BMP5: variants seen among roughly 807,000 people sequenced by gnomAD.
BMP5 encodes bone morphogenetic protein 5.
In BMP5, 23 loss-of-function variants were observed where a neutral mutation model predicts 46.6. The ratio of observed to expected loss-of-function variants is 0.49; its 90% CI spans 0.35 to 0.70. BMP5 has a LOEUF of 0.70. BMP5 is among the 30% of genes least tolerant of loss of function. The pLI, the probability that BMP5 is intolerant of heterozygous loss-of-function variation, is 0.00. For synonymous variants in BMP5, 204 were observed against 191.9 expected (o/e 1.06, Z -0.52); for missense variants, 545 against 565.6 (o/e 0.96, Z 0.37).
chr6:55,759,017 T>C lies in BMP5; in HGVS notation c.1203A>G (p.Ile401Met). 1 of 1,604,758 alleles carries C rather than the reference T, an allele frequency of 6.2e-7. No homozygotes were observed. Among genetic ancestry groups the C allele is most frequent in the Non-Finnish European group, 8.5e-7 (1 of 1,172,348 alleles). Residue 401 changes from isoleucine to methionine, a missense_variant, in exon 6 of 7, where the codon ATA (isoleucine) becomes ATG (methionine). Coordinates refer to ENST00000370830, the MANE Select transcript of BMP5 (RefSeq NM_021073.4). ...NAHMNATNHAIVQTLVHLMFP... is the reference protein window; with the variant it reads ...NAHMNATNHAMVQTLVHLMFP... ...AAACAAAGCTTACCAGAGTCTGAAC[T>C]ATAGCGTGGTTGGTGGCATTCATAT...
intron 2 of BMP5, among the ~76,000 whole-genome samples, chr6:55,817,855 AAGC>A (rs1215255041): frequency 7.9e-5 from 12 of 152,226 alleles, no homozygotes; most frequent in Admixed American, 7.9e-4. Context: ...ATTGAATGTT[AAGC>A]AGCTGAAATA....
chr6:55,841,355 T>A (rs1776948222), intron 1 of BMP5, among the ~76,000 whole-genome samples: 1 of 152,322 alleles, frequency 6.6e-6, no homozygotes, highest in South Asian at 2.1e-4. Context: ...CTGAACAGAA[T>A]CTCATTGGTC....
At chr6:55,865,427 C>G (rs1172410503) in intron 1 of BMP5, 1 of 505,108 alleles carries the variant, frequency 2.0e-6, no homozygotes, top group Non-Finnish European at 4.0e-6. Flanking sequence ...TGAAAAGCAC[C>G]TTTCAGCAGC....
At chr6:55,831,106 C>T (rs1776653392) in intron 1 of BMP5, among the ~76,000 whole-genome samples, 1 of 152,078 alleles carries the variant, frequency 6.6e-6, no homozygotes, top group African/African-American at 2.4e-5. Context: ...CTTCTTTCCC[C>T]ACTTGGTTGC....
At chr6:55,855,040 T>C (rs527875012) in intron 1 of BMP5, among the ~76,000 whole-genome samples, 1 of 152,206 alleles carries the variant, frequency 6.6e-6, no homozygotes, top group Non-Finnish European at 1.5e-5. Context: ...ATGACAAATT[T>C]CCTCTTCTCC....
intron 4 of BMP5, among the ~76,000 whole-genome samples, chr6:55,764,429 C>G (rs573542861): frequency 3.3e-5 from 5 of 151,838 alleles, no homozygotes; most frequent in African/African-American, 9.7e-5. Context: ...AAAAATTAGC[C>G]AGGCGTAGTG....
intron 4 of BMP5, among the ~76,000 whole-genome samples, chr6:55,762,272 T>C (rs1774804732): frequency 6.6e-6 from 1 of 152,122 alleles, no homozygotes; most frequent in South Asian, 2.1e-4. Flanking sequence ...TGTTTTACAG[T>C]TTTTGTTAAA....
chr6:55,853,959 A>G (rs1777319756), intron 1 of BMP5, among the ~76,000 whole-genome samples: 1 of 152,196 alleles, frequency 6.6e-6, no homozygotes. Context: ...TATACTTCAG[A>G]ATTTTTTACC....
At chr6:55,844,468 T>C (rs1073472) in intron 1 of BMP5, among the ~76,000 whole-genome samples, 65,703 of 151,712 alleles carry the variant, frequency 0.43, 14,708 homozygotes, top group African/African-American at 0.54. Context: ...TTTGTGAACT[T>C]ATTTTTAATG....
In BMP5 at chr6:55,774,156, G is replaced by T. The variant is rs376630543; in HGVS notation, c.920C>A (p.Ala307Glu). 8.7e-6 allele frequency: 14 copies of T among 1,613,030 alleles called. No homozygotes were observed. The highest frequency in any genetic ancestry group is 1.1e-5 in the Non-Finnish European group (13 of 1,179,414). ...CACGGATCGAAGAAGTACCTCACTC[G>T]CCTTGAAGAAGGCCACCATGAATGG... ...KQPFMVAFFK[A>E]SEVLLRSVRA... Residue 307 changes from alanine (A) to glutamate (E), a missense_variant, in exon 4 of 7, where the codon GCG becomes GAG. Coordinates refer to ENST00000370830, the MANE Select transcript of BMP5 (RefSeq NM_021073.4).
At chr6:55,790,073 G>T (rs963370725) in intron 3 of BMP5, among the ~76,000 whole-genome samples, 32 of 151,920 alleles carry the variant, frequency 2.1e-4, no homozygotes, top group Admixed American at 9.8e-4. Flanking sequence ...TTCTTCACAG[G>T]GGCAGGCTAA....
At position 55,819,726 on chromosome 6, in the gene BMP5, C is replaced by G; in HGVS notation, c.612G>C (p.Arg204=). The G allele has an allele frequency of 6.2e-7, 1 of 1,613,832 alleles. No individual in the cohort carries two copies. Among genetic ancestry groups the G allele is most frequent in the Non-Finnish European group, 8.5e-7 (1 of 1,179,920 alleles). Residue 204 remains arginine, a synonymous_variant, in exon 2 of 7, where the codon CGG becomes CGC. Transcript: ENST00000370830. ...TTTCATTTTCAAATCGGTTGTTGCT[C>G]CGGTCCTTGTATATCCGGAATTCAG... The part of the protein sequence containing the change: ...TAAEFRIYKD[R]SNNRFENETI...
chr6:55,869,976 G>A (rs1777741617), intron 1 of BMP5, among the ~76,000 whole-genome samples: 1 of 152,042 alleles, frequency 6.6e-6, no homozygotes, highest in South Asian at 2.1e-4. Flanking sequence ...GGTAAGGAGA[G>A]GGGTGCCAAG....
At chr6:55,854,862 A>G (rs1211514999) in intron 1 of BMP5, among the ~76,000 whole-genome samples, 3 of 152,130 alleles carry the variant, frequency 2.0e-5, no homozygotes, top group Non-Finnish European at 4.4e-5. Context: ...TTTGATTTGC[A>G]AATAATTTTA....
chr6:55,791,125 G>T (rs1242344637), intron 3 of BMP5, among the ~76,000 whole-genome samples: 1 of 152,162 alleles, frequency 6.6e-6, no homozygotes, highest in African/African-American at 2.4e-5. Context: ...GAAAATAAAA[G>T]ATGGTCTGTC....
rs998976077 is a variant in BMP5 at position 55,819,934 on chromosome 6, A to G, written c.491-87T>C. 5.9e-6 allele frequency: 7 copies of G among 1,192,864 alleles called. No homozygotes were observed. In the East Asian group the frequency reaches 1.5e-4, roughly 25 times the overall value. The allele number at this position is 1,192,864 out of a possible 1,614,324, so 73.9% of individuals were successfully genotyped here. On this transcript the variant is annotated intron_variant, in intron 1 of 6. Coordinates refer to ENST00000370830, the MANE Select transcript of BMP5 (RefSeq NM_021073.4). ...ATGATAAATTCTCCAGCTTTGAAAGAAAACAAACAAGCAGGATAGTATAAA... is the reference window on the plus strand; with the variant it reads ...ATGATAAATTCTCCAGCTTTGAAAGGAAACAAACAAGCAGGATAGTATAAA...
At chr6:55,847,966 AT>A (rs1777138590) in intron 1 of BMP5, among the ~76,000 whole-genome samples, 1 of 151,966 alleles carries the variant, frequency 6.6e-6, no homozygotes. Flanking sequence ...CCTTAAAAGG[AT>A]AATTAATTGG....
At chr6:55,776,374 CT>C (rs1366413818) in intron 3 of BMP5, among the ~76,000 whole-genome samples, 1 of 151,000 alleles carries the variant, frequency 6.6e-6, no homozygotes, top group Non-Finnish European at 1.5e-5. Flanking sequence ...TACATAAACA[CT>C]TTTACAACAT....
At position 55,851,119 on chromosome 6, in the gene BMP5, T is replaced by C. The variant is rs1045269290; in HGVS notation, c.490+23257A>G. ...GTGTTGTGGGTTTTTTGTTTTTGTT[T>C]TGTTTTGTTTTGTTTTGCTTTTTTT... On this transcript the variant is annotated intron_variant, in intron 1 of 6. Coordinates refer to ENST00000370830, the MANE Select transcript of BMP5 (RefSeq NM_021073.4). 3.1e-5 allele frequency among the ~76,000 whole-genome samples: 4 copies of C among 128,210 alleles called. No homozygotes were observed. In the East Asian group the frequency reaches 6.1e-4, roughly 20 times the overall value. The allele number at this position is 128,210 out of a possible 152,430, so 84.1% of individuals were successfully genotyped here.
Sources: allele counts gnomAD v4.1 joint callset (sites outside exome capture counted in the v4.1 genomes callset), GRCh38; gene constraint gnomAD v4.1.1; transcripts MANE v1.5; gene names NCBI Gene and HGNC (gene_info 2026-07-23, HGNC 2026-07-21).